IFT80: variants seen among roughly 807,000 people sequenced by gnomAD.
IFT80 encodes the protein intraflagellar transport 80, also known as intraflagellar transport protein 80 homolog.
In IFT80, 79 loss-of-function variants were observed where a neutral mutation model predicts 107.9. The observed-to-expected ratio is 0.73, with a 90% CI of 0.61 to 0.88. The LOEUF is 0.88. Ranked by LOEUF, IFT80 falls within the 40% of genes least tolerant of loss-of-function variation. IFT80 has a pLI of 0.00. For synonymous variants in IFT80, 299 were observed against 300.9 expected (o/e 0.99, Z 0.07); for missense variants, 797 against 914.2 (o/e 0.87, Z 1.65).
At chr3:160,334,540 C>T (rs1719320235) in intron 8 of IFT80, among the ~76,000 whole-genome samples, 1 of 152,072 alleles carries the variant, frequency 6.6e-6, no homozygotes, top group African/African-American at 2.4e-5. Flanking sequence ...CCTCAGCCTC[C>T]AGAGTAGCTG....
rs376003348 is a variant in IFT80, at chr3:160,280,786, G to A, written c.1545C>T (p.Asn515=). 64 of 1,612,916 alleles carry A rather than the reference G, an allele frequency of 4.0e-5. No individual in the cohort carries two copies. The highest frequency in any genetic ancestry group is 4.0e-5 in the Non-Finnish European group (47 of 1,179,390). The change falls in exon 15 of 20, where the codon AAC becomes AAT. Residue 515 remains asparagine, a synonymous_variant. Transcript: ENST00000326448. ...LGTMVHTLAW[N]DTCNILCGLQ... ...GTCCACAAAGGATATTGCATGTATC[G>A]TTCCATGCCAAAGTATGCACCATTG...
At chr3:160,370,255 T>C (rs887574524) in intron 5 of IFT80, among the ~76,000 whole-genome samples, 8 of 152,162 alleles carry the variant, frequency 5.3e-5, no homozygotes, top group African/African-American at 1.7e-4. Context: ...ATTGAGTGAA[T>C]AGAAGTAAAG....
chr3:160,365,972 C>A (rs1201824372), intron 6 of IFT80, 71 bp downstream of exon 6: 6 of 1,122,184 alleles, frequency 5.3e-6, no homozygotes, highest in South Asian at 1.2e-5. Flanking sequence ...GAAAGAGACT[C>A]CTAAGCAAGT....
At chr3:160,303,133 T>C (rs1366678610) in intron 11 of IFT80, among the ~76,000 whole-genome samples, 3 of 152,158 alleles carry the variant, frequency 2.0e-5, no homozygotes, top group Admixed American at 2.0e-4. Flanking sequence ...TGATGAGGAA[T>C]GAGGAATAAA....
At chr3:160,289,246 G>C (rs1576757645) in intron 12 of IFT80, among the ~76,000 whole-genome samples, 2 of 152,156 alleles carry the variant, frequency 1.3e-5, no homozygotes, top group Admixed American at 1.3e-4. Context: ...TTATAAGTGG[G>C]AGCTAAATAA....
intron 5 of IFT80, among the ~76,000 whole-genome samples, chr3:160,374,329 A>G (rs919669975): frequency 6.6e-6 from 1 of 151,810 alleles, no homozygotes; most frequent in African/African-American, 2.4e-5. Flanking sequence ...AGATCGATTG[A>G]GTCCAGGAGG....
At chr3:160,294,446 C>T (rs1715818360) in intron 12 of IFT80, among the ~76,000 whole-genome samples, 1 of 152,210 alleles carries the variant, frequency 6.6e-6, no homozygotes. Flanking sequence ...GTCTCAAACT[C>T]CTGAGCTCAA....
chr3:160,284,274 A>C (rs375415505), intron 13 of IFT80, among the ~76,000 whole-genome samples: 1 of 152,134 alleles, frequency 6.6e-6, no homozygotes, highest in Non-Finnish European at 1.5e-5. Context: ...TTATAGAAAG[A>C]GTTATAACAT....
intron 19 of IFT80, among the ~76,000 whole-genome samples, chr3:160,265,411 G>C (rs1410110420): frequency 2.6e-5 from 4 of 152,092 alleles, no homozygotes; most frequent in Non-Finnish European, 5.9e-5. Flanking sequence ...TCATGAGTTT[G>C]ATTTCTTTCA....
chr3:160,299,237 T>TA lies in IFT80; in HGVS notation c.1315+1645dup, dbSNP rs752029701. The TA allele has an allele frequency of 5.0e-4, 571 of 1,131,308 alleles. 3 individuals are homozygous for TA. In the South Asian group the frequency reaches 5.3e-3, roughly 10 times the overall value. The allele number at this position is 1,131,308 out of a possible 1,614,324, so 70.1% of individuals were successfully genotyped here. On this transcript the variant is annotated intron_variant, in intron 12 of 19. Transcript: ENST00000326448. ...TTTCTTAGCCAAAAAGGAAGTCCTT[T>TA]AAAAAAAAATTACCAAAAGTCTTCT...
At chr3:160,268,594 T>C (rs1441206757) in intron 18 of IFT80, 58 bp from the exon 19 acceptor site, 9 of 1,540,856 alleles carry the variant, frequency 5.8e-6, no homozygotes, top group African/African-American at 1.4e-5. Flanking sequence ...CCATGAGTAG[T>C]AGAGTTCTGG....
rs568004231 is a variant in IFT80, at chr3:160,279,615, A to T, written c.1665-251T>A. 8.3e-4 allele frequency among the ~76,000 whole-genome samples: 127 copies of T among 152,378 alleles called. 1 individual carries two copies. In the South Asian group the frequency reaches 0.025, roughly 30 times the overall value. On this transcript the variant is annotated intron_variant, in intron 15 of 19. Transcript: ENST00000326448. The stretch of plus-strand genomic sequence containing the variant: ...TTGAATATAACTTGCTATATAAAGT[A>T]GCAAAAATTATTACATATTTGAGAG...
intron 9 of IFT80, among the ~76,000 whole-genome samples, chr3:160,311,694 A>G (rs1296354909): frequency 1.3e-5 from 2 of 152,214 alleles, no homozygotes; most frequent in African/African-American, 4.8e-5. Context: ...AACCAGATCC[A>G]GCGATATGCA....
intron 8 of IFT80, among the ~76,000 whole-genome samples, chr3:160,351,287 T>A (rs1161560095): frequency 1.3e-5 from 2 of 150,472 alleles, no homozygotes; most frequent in Non-Finnish European, 1.5e-5. Flanking sequence ...TTATCATTTT[T>A]AATAACAATA....
At chr3:160,349,097 T>C (rs547329151) in intron 8 of IFT80, among the ~76,000 whole-genome samples, 1 of 146,490 alleles carries the variant, frequency 6.8e-6, no homozygotes, top group East Asian at 2.0e-4. Context: ...ATACAAATTG[T>C]ATCCTGATAA....
At chr3:160,345,640 G>A (rs1720234228) in intron 8 of IFT80, among the ~76,000 whole-genome samples, 1 of 148,720 alleles carries the variant, frequency 6.7e-6, no homozygotes. Flanking sequence ...GTTGCAGTGG[G>A]CTGAGATTGC....
intron 8 of IFT80, among the ~76,000 whole-genome samples, chr3:160,328,748 A>C (rs1166070349): frequency 1.3e-5 from 2 of 152,184 alleles, no homozygotes; most frequent in African/African-American, 4.8e-5. Context: ...ATTCCTGTCG[A>C]TTACAGGCTG....
At chr3:160,260,795 C>A (rs1712764037) in intron 19 of IFT80, among the ~76,000 whole-genome samples, 1 of 152,182 alleles carries the variant, frequency 6.6e-6, no homozygotes, top group Non-Finnish European at 1.5e-5. Flanking sequence ...AATTCTTAGT[C>A]ACCTATAAGC....
At chr3:160,307,467 G>A (rs1348136854) in intron 10 of IFT80, among the ~76,000 whole-genome samples, 196 bp downstream of exon 10, 6 of 152,162 alleles carry the variant, frequency 3.9e-5, no homozygotes, top group Non-Finnish European at 7.4e-5. Flanking sequence ...AACTGTTGAT[G>A]TACAAACCTC....
Sources: allele counts gnomAD v4.1 joint callset (sites outside exome capture counted in the v4.1 genomes callset), GRCh38; gene constraint gnomAD v4.1.1; transcripts MANE v1.5; gene names NCBI Gene and HGNC (gene_info 2026-07-23, HGNC 2026-07-21).